WASHC4: variants seen among roughly 807,000 people sequenced by gnomAD.
WASHC4 encodes the protein WASH complex subunit 4, also known as WASH complex subunit 7.
A neutral mutation model predicts 166.6 loss-of-function variants in WASHC4; 86 were observed. The ratio of observed to expected loss-of-function variants is 0.52; its 90% CI spans 0.43 to 0.62. The LOEUF is 0.62. WASHC4 is among the 20% of genes least tolerant of loss of function. The pLI, the probability that WASHC4 is intolerant of heterozygous loss-of-function variation, is 0.00. For synonymous variants in WASHC4, 446 were observed against 451.6 expected (o/e 0.99, Z 0.16); for missense variants, 1,262 against 1,382.4 (o/e 0.91, Z 1.38).
rs761088386 is a variant in WASHC4 at position 105,162,763 on chromosome 12, A to C, written c.3075A>C (p.Val1025=). 6.3e-7 allele frequency: 1 copy of C among 1,580,252 alleles called. No homozygotes were observed. Among genetic ancestry groups the C allele is most frequent in the South Asian group, 1.1e-5 (1 of 90,038 alleles). The change falls in exon 30 of 33, where the codon GTA becomes GTC. Residue 1025 remains valine, a synonymous_variant. Transcript: ENST00000332180. The part of the protein sequence containing the change: ...IIVPPLTLNF[V]EHSISCKEKL... ...CATCTTTTTAGACCCTCAACTTTGT[A>C]GAGCATTCCATTAGTTGCAAGGAAA... is the stretch of plus-strand genomic sequence containing the variant.
chr12:105,114,893 C>G (rs1328273472), intron 4 of WASHC4, among the ~76,000 whole-genome samples: 13 of 151,792 alleles, frequency 8.6e-5, no homozygotes, highest in African/African-American at 3.1e-4. Context: ...CTTTTTGATA[C>G]CATGTGGTTG....
At chr12:105,134,784 T>G (rs569337269) in intron 14 of WASHC4, among the ~76,000 whole-genome samples, 1 of 152,082 alleles carries the variant, frequency 6.6e-6, no homozygotes, top group Non-Finnish European at 1.5e-5. Context: ...TTGTTTTTTT[T>G]TCTTCATAGT....
At position 105,149,640 on chromosome 12, in the gene WASHC4, AAAAG is replaced by A; in HGVS notation, c.2543_2546del (p.Lys848SerfsTer18). 2.6e-6 allele frequency: 4 copies of A among 1,519,742 alleles called. No homozygotes were observed. The highest frequency in any genetic ancestry group is 3.6e-6 in the Non-Finnish European group (4 of 1,100,594). The allele number at this position is 1,519,742 out of a possible 1,614,324, so 94.1% of individuals were successfully genotyped here. A position where few individuals can be genotyped will look rare whatever the true frequency, so the allele number is the denominator to read the frequency against. ...GTTAATTTCACCTACCAGTTTTTGA[AAAAG>A]AAGTTCTATATATTTAGCCAATTTA... is the stretch of plus-strand genomic sequence containing the variant. On this transcript the variant is annotated frameshift_variant, in exon 25 of 33. Coordinates refer to ENST00000332180, the MANE Select transcript of WASHC4 (RefSeq NM_015275.3). LOFTEE classifies it high-confidence loss of function.
rs1386057631 is a variant in WASHC4, at chr12:105,127,159, A to G, written c.1069A>G (p.Ile357Val). Residue 357 changes from isoleucine (I) to valine (V), a missense_variant, in exon 13 of 33, where the codon ATT becomes GTT. By Grantham distance (29) the Ile-to-Val change is conservative. Transcript: ENST00000332180. ...AGCCATCACTCTAACTGCTAATATT[A>G]TTTGGTTTCCTGATAATTTTCTGAT... ...VPAITLTANI[I>V]WFPDNFLIQK... The G allele has an allele frequency of 6.2e-7, 1 of 1,613,038 alleles. No homozygotes were observed. Among genetic ancestry groups the G allele is most frequent in the Non-Finnish European group, 8.5e-7 (1 of 1,179,354 alleles).
At chr12:105,160,613 A>G (rs1884438277) in intron 29 of WASHC4, among the ~76,000 whole-genome samples, 1 of 152,180 alleles carries the variant, frequency 6.6e-6, no homozygotes, top group Non-Finnish European at 1.5e-5. Flanking sequence ...TGGCCTCCCA[A>G]AGTGCTGAGA....
chr12:105,164,886 A>T (rs1884719246), intron 32 of WASHC4, 146 bp downstream of exon 32: 1 of 633,994 alleles, frequency 1.6e-6, no homozygotes, highest in East Asian at 2.8e-5. Flanking sequence ...AAAAAAAGTA[A>T]AGCCTGTATA....
chr12:105,131,156 G>A (rs948831340), intron 13 of WASHC4, among the ~76,000 whole-genome samples: 2 of 149,942 alleles, frequency 1.3e-5, no homozygotes, highest in Non-Finnish European at 3.0e-5. Context: ...GCGCAATCTC[G>A]GCTCACTGCA....
intron 24 of WASHC4, 95 bp from the exon 25 acceptor site, chr12:105,149,519 CA>C: frequency 9.4e-7 from 1 of 1,060,878 alleles, no homozygotes; most frequent in Non-Finnish European, 1.3e-6. Context: ...ATAGGTAGTA[CA>C]AATAGATAAC....
intron 14 of WASHC4, among the ~76,000 whole-genome samples, chr12:105,134,490 A>G (rs7136344): frequency 0.19 from 29,621 of 151,948 alleles, 4,239 homozygotes; most frequent in African/African-American, 0.4. Flanking sequence ...CTTGTTCTGT[A>G]GTTTTTGTTT....
chr12:105,147,014 T>C (rs1270060174), intron 23 of WASHC4, 28 bp from the exon 24 acceptor site: 1 of 1,296,544 alleles, frequency 7.7e-7, no homozygotes. Flanking sequence ...GTTGCGTTGT[T>C]ACTGAGCATA....
chr12:105,126,219 G>A lies in WASHC4; in HGVS notation c.911-16G>A, dbSNP rs1881269927. On this transcript the variant is annotated splice_polypyrimidine_tract_variant and intron_variant, in intron 11 of 32. Coordinates refer to ENST00000332180, the MANE Select transcript of WASHC4 (RefSeq NM_015275.3). The stretch of plus-strand genomic sequence containing the variant: ...GTATATTTGTTCTGCTTTCTCTTAT[G>A]TTATTGATTTGTAAGGAGAACCTTC... 1 of 1,612,410 alleles carries A rather than the reference G, an allele frequency of 6.2e-7. No individual in the cohort carries two copies. The highest frequency in any genetic ancestry group is 1.3e-5 in the African/African-American group (1 of 74,862).
intron 24 of WASHC4, chr12:105,147,447 G>T: frequency 2.6e-6 from 1 of 387,198 alleles, no homozygotes; most frequent in Non-Finnish European, 4.5e-6. Context: ...ATATATATAT[G>T]TTTATCTGTG....
intron 1 of WASHC4, among the ~76,000 whole-genome samples, chr12:105,108,527 A>C (rs1024627785): frequency 6.6e-6 from 1 of 152,192 alleles, no homozygotes; most frequent in Non-Finnish European, 1.5e-5. Context: ...CAAATCTTCA[A>C]ATTTTGCTTC....
rs929742452 is a variant in WASHC4, at chr12:105,107,811, A to C, written c.11A>C (p.Glu4Ala). The C allele has an allele frequency of 7.7e-6, 12 of 1,550,772 alleles. No individual in the cohort carries two copies. Among genetic ancestry groups the C allele is most frequent in the East Asian group, 2.4e-5 (1 of 40,906 alleles). Reference protein sequence around the residue: MAVETLSPDWEFDR... With the variant: MAVATLSPDWEFDR... Reference sequence around the variant, plus strand: ...GGAGGCGCCGGGGTGATGGCGGTGGAGACTCTGTCCCCGGACTGGGAGTTT... The same window carrying C: ...GGAGGCGCCGGGGTGATGGCGGTGGCGACTCTGTCCCCGGACTGGGAGTTT... Residue 4 changes from glutamate to alanine, a missense_variant, in exon 1 of 33, where the codon GAG becomes GCG. By Grantham distance (107) the Glu-to-Ala change is moderately radical (BLOSUM62 -1). Transcript: ENST00000332180.
At chr12:105,148,058 G>A in intron 24 of WASHC4, 1 of 985,336 alleles carries the variant, frequency 1.0e-6, no homozygotes, top group Non-Finnish European at 1.2e-6. Context: ...GGAGAAGACT[G>A]AATGCTTAAG....
At chr12:105,148,369 G>A (rs1422587187) in intron 24 of WASHC4, 16 of 984,970 alleles carry the variant, frequency 1.6e-5, no homozygotes, top group Non-Finnish European at 1.9e-5. Flanking sequence ...TGTAACAGAT[G>A]TGAATGTATT....
rs534286875 is a variant in WASHC4 at position 105,152,597 on chromosome 12, T to G, written c.2758+146T>G. On this transcript the variant is annotated intron_variant, in intron 26 of 32. Coordinates refer to ENST00000332180, the MANE Select transcript of WASHC4 (RefSeq NM_015275.3). ...CATGTAATTTTTTTACCCCCAAAATTTGTAAGTATGATTAGACTGTTGCTG... is the reference window on the plus strand; with the variant it reads ...CATGTAATTTTTTTACCCCCAAAATGTGTAAGTATGATTAGACTGTTGCTG... 6.0e-6 allele frequency: 4 copies of G among 662,216 alleles called. No individual in the cohort carries two copies. In the African/African-American group the frequency reaches 7.2e-5, roughly 12 times the overall value. 41.0% of individuals were successfully genotyped at this position (662,216 alleles called of 1,614,324 possible).
At chr12:105,113,219 A>ATTTTTTAAT (rs1447245685) in intron 2 of WASHC4, among the ~76,000 whole-genome samples, 18 of 152,208 alleles carry the variant, frequency 1.2e-4, no homozygotes, top group African/African-American at 4.1e-4. Flanking sequence ...GCATTAAGTA[A>ATTTTTTAAT]TACATGTTGA....
rs2272492 is a variant in WASHC4, at chr12:105,147,438, T to C, written c.2514+292T>C. 86 of 407,460 alleles carry C rather than the reference T, an allele frequency of 2.1e-4. 1 individual carries two copies. The East Asian group carries it at 4.4e-3, about 21-fold the overall frequency. 25.2% of individuals were successfully genotyped at this position (407,460 alleles called of 1,614,324 possible). The stretch of plus-strand genomic sequence containing the variant: ...ACATTAATATATGTGTGTGCACACA[T>C]ATATATATGTTTATCTGTGTTGATC... On this transcript the variant is annotated intron_variant, in intron 24 of 32. Coordinates refer to ENST00000332180, the MANE Select transcript of WASHC4 (RefSeq NM_015275.3).
Sources: gnomAD v4.1 joint callset for allele counts (sites outside exome capture counted in the v4.1 genomes callset) on GRCh38, gnomAD v4.1.1 for gene constraint, MANE v1.5 for transcripts, NCBI Gene and HGNC (gene_info 2026-07-23, HGNC 2026-07-21) for gene names.